PCDHAC1: variants seen among roughly 807,000 people sequenced by gnomAD.
PCDHAC1 encodes protocadherin alpha subfamily C, 1, also known as protocadherin alpha-C1.
In PCDHAC1, 42 loss-of-function variants were observed where a neutral mutation model predicts 60.0. That is an observed-to-expected ratio of 0.70 (90% CI 0.55 to 0.90). The LOEUF (loss-of-function observed/expected upper bound fraction) is 0.90, where lower values mean the gene tolerates loss of function less well. Ranked by LOEUF, PCDHAC1 falls within the 40% of genes least tolerant of loss-of-function variation. The probability of loss-of-function intolerance (pLI) is 0.00; values close to 1 mark genes in which losing one functional copy is unlikely to be tolerated. For missense variants in PCDHAC1, 1,160 were observed against 1,222.3 expected, an observed-to-expected ratio of 0.95 and a Z score of 0.76; for synonymous variants, 468 against 499.3, an observed-to-expected ratio of 0.94 and a Z score of 0.84.
At position 140,927,603 on chromosome 5, in the gene PCDHAC1, A is replaced by G. The variant is rs538616533; in HGVS notation, c.711A>G (p.Val237=). Residue 237 remains valine (V), a synonymous_variant, in exon 1 of 4, where the codon GTA becomes GTG. Coordinates refer to ENST00000253807, the MANE Select transcript of PCDHAC1 (RefSeq NM_018898.5). ...NDNAPVFERS[V]YRTKVPETAP... ...ACGCGCCTGTATTTGAGCGCTCCGT[A>G]TACCGCACCAAGGTTCCAGAGACTG... 8.1e-6 allele frequency: 13 copies of G among 1,614,190 alleles called. No homozygotes were observed. In the Admixed American group the frequency reaches 1.2e-4, roughly 14 times the overall value.
At chr5:140,938,715 C>T (rs138044331) in intron 1 of PCDHAC1, among the ~76,000 whole-genome samples, 10 of 152,038 alleles carry the variant, frequency 6.6e-5, no homozygotes, top group African/African-American at 2.4e-4. Flanking sequence ...ATGATAGAAA[C>T]GCGTTTCTAC....
intron 1 of PCDHAC1, among the ~76,000 whole-genome samples, chr5:140,947,996 T>G (rs185303145): frequency 1.1e-4 from 14 of 126,854 alleles, no homozygotes; most frequent in Non-Finnish European, 2.3e-4. Flanking sequence ...CCAAATACTT[T>G]ATTAAATTTA....
At position 140,927,245 on chromosome 5, in the gene PCDHAC1, A is replaced by G. The variant is rs1197319664; in HGVS notation, c.353A>G (p.Asn118Ser). Residue 118 changes from asparagine (N) to serine (S), a missense_variant, in exon 1 of 4, where the codon AAT (asparagine) becomes AGT (serine). This residue lies in a region of PCDHAC1 where 1,113 missense variants were observed against 1,163.7 expected (regional missense o/e 0.96). Coordinates refer to ENST00000253807, the MANE Select transcript of PCDHAC1 (RefSeq NM_018898.5). ...ATTCGGATTCACGTCCTGGACACCAATGACAACTCACCTCTCTTTCCTGCC... is the reference window on the plus strand; with the variant it reads ...ATTCGGATTCACGTCCTGGACACCAGTGACAACTCACCTCTCTTTCCTGCC... ...HKIRIHVLDT[N>S]DNSPLFPAGD... 6 of 1,613,948 alleles carry G rather than the reference A, an allele frequency of 3.7e-6. No homozygotes were observed. Among genetic ancestry groups the G allele is most frequent in the South Asian group, 2.2e-5 (2 of 91,070 alleles).
At chr5:140,977,978 G>A (rs1401757319) in intron 1 of PCDHAC1, among the ~76,000 whole-genome samples, 2 of 152,048 alleles carry the variant, frequency 1.3e-5, no homozygotes, top group Non-Finnish European at 2.9e-5. Flanking sequence ...CCATGAAAAC[G>A]CATCTAGAGG....
chr5:140,964,596 G>A (rs1368654948), intron 1 of PCDHAC1, among the ~76,000 whole-genome samples: 2 of 152,104 alleles, frequency 1.3e-5, no homozygotes, highest in African/African-American at 4.8e-5. Flanking sequence ...CACTTTTCAT[G>A]ACAACTTACA....
intron 1 of PCDHAC1, chr5:140,969,237 C>T (rs1278018540): frequency 6.2e-7 from 1 of 1,614,156 alleles, no homozygotes; most frequent in African/African-American, 1.3e-5. Flanking sequence ...GGAGCCCAAG[C>T]AGCAGTGACT....
intron 1 of PCDHAC1, among the ~76,000 whole-genome samples, chr5:140,943,089 T>C (rs2093417033): frequency 6.6e-6 from 1 of 151,612 alleles, no homozygotes; most frequent in African/African-American, 2.4e-5. Flanking sequence ...AAATCCTGCC[T>C]CTACTAAAAA....
intron 1 of PCDHAC1, among the ~76,000 whole-genome samples, chr5:140,934,289 T>C (rs1584800076): frequency 6.6e-6 from 1 of 152,138 alleles, no homozygotes; most frequent in East Asian, 1.9e-4. Flanking sequence ...AGGGCATTCT[T>C]ACTGGTATTT....
intron 1 of PCDHAC1, among the ~76,000 whole-genome samples, chr5:140,950,689 A>G (rs1585383013): frequency 2.6e-5 from 4 of 152,212 alleles, no homozygotes; most frequent in Admixed American, 2.6e-4. Flanking sequence ...ATTGTTAACC[A>G]AATTTGACAA....
At chr5:140,947,252 T>A (rs1554218120) in intron 1 of PCDHAC1, among the ~76,000 whole-genome samples, 1 of 151,596 alleles carries the variant, frequency 6.6e-6, no homozygotes, top group Non-Finnish European at 1.5e-5. Flanking sequence ...GATAATCCAA[T>A]GTACCATTTG....
intron 3 of PCDHAC1, among the ~76,000 whole-genome samples, chr5:141,005,795 C>G (rs2098239997): frequency 8.0e-6 from 1 of 124,778 alleles, no homozygotes; most frequent in Admixed American, 8.1e-5. Context: ...GAGGCAAAAA[C>G]AACTCCAAGG....
At position 140,984,581 on chromosome 5, in the gene PCDHAC1, C is replaced by T. The variant is rs141574202; in HGVS notation, c.2581+2018C>T. ...TCCAACTACTCCATGGCAACCTAAT[C>T]ATACTTTTCAATACATACCTCTGCA... On this transcript the variant is annotated intron_variant, in intron 3 of 3. Transcript: ENST00000253807. 4.4e-3 allele frequency among the ~76,000 whole-genome samples: 664 copies of T among 152,272 alleles called. 7 individuals carry two copies. The highest frequency in any genetic ancestry group is 0.013 in the African/African-American group (558 of 41,552).
At chr5:140,997,727 C>G (rs2097783097) in intron 3 of PCDHAC1, among the ~76,000 whole-genome samples, 1 of 151,244 alleles carries the variant, frequency 6.6e-6, no homozygotes, top group Admixed American at 6.6e-5. Flanking sequence ...TACGTCAGTA[C>G]ATATAGATTT....
chr5:140,956,189 A>C (rs2095264873), intron 1 of PCDHAC1, among the ~76,000 whole-genome samples: 1 of 152,142 alleles, frequency 6.6e-6, no homozygotes, highest in South Asian at 2.1e-4. Context: ...ACTATGCTGA[A>C]TAGGAGTGGT....
At chr5:140,962,947 A>T (rs2153733915) in intron 1 of PCDHAC1, among the ~76,000 whole-genome samples, 2 of 152,320 alleles carry the variant, frequency 1.3e-5, no homozygotes, top group Admixed American at 1.3e-4. Context: ...TCCATAAGAT[A>T]TGCTCTATCC....
intron 1 of PCDHAC1, among the ~76,000 whole-genome samples, chr5:140,959,868 C>A (rs532801353): frequency 8.5e-5 from 13 of 152,248 alleles, no homozygotes; most frequent in African/African-American, 2.9e-4. Flanking sequence ...GTAGCAAAAT[C>A]TGTCAAGGAA....
intron 1 of PCDHAC1, chr5:140,969,073 G>A (rs781937942): frequency 1.4e-5 from 23 of 1,613,974 alleles, no homozygotes; most frequent in South Asian, 5.5e-5. Context: ...CCAGGATACC[G>A]CATGGCCTCA....
chr5:141,005,417 T>G (rs1323051159), intron 3 of PCDHAC1, among the ~76,000 whole-genome samples: 2 of 152,062 alleles, frequency 1.3e-5, no homozygotes, highest in African/African-American at 4.8e-5. Context: ...TGAGGAGTCA[T>G]GCTAAGAATG....
At chr5:140,966,899 C>T in intron 1 of PCDHAC1, 2 of 1,598,372 alleles carry the variant, frequency 1.3e-6, no homozygotes, top group African/African-American at 1.3e-5. Context: ...CTCCCAGCTG[C>T]GATACTCTGT....
Sources: allele counts gnomAD v4.1 joint callset (sites outside exome capture counted in the v4.1 genomes callset), GRCh38; gene constraint gnomAD v4.1.1; regional missense constraint gnomAD v4.1.1; transcripts MANE v1.5; gene names NCBI Gene and HGNC (gene_info 2026-07-23, HGNC 2026-07-21).